The following MICU3 variants were observed in gnomAD, a reference collection of about 807,000 sequenced individuals.
MICU3 encodes the protein mitochondrial calcium uptake 3, also known as calcium uptake protein 3, mitochondrial.
A neutral mutation model predicts 66.5 loss-of-function variants in MICU3; 62 were observed. The observed-to-expected ratio is 0.93, with a 90% CI of 0.76 to 1.15. The LOEUF is 1.15. Ranked by LOEUF, MICU3 falls within the 50% of genes most tolerant of loss-of-function variation. The pLI is 0.00. For missense variants in MICU3, 779 were observed against 664.4 expected (o/e 1.17, Z -1.90); for synonymous variants, 308 against 240.7 (o/e 1.28, Z -2.59).
At chr8:17,093,781 T>C (rs1017706250) in intron 8 of MICU3, among the ~76,000 whole-genome samples, 1 of 151,984 alleles carries the variant, frequency 6.6e-6, no homozygotes, top group East Asian at 1.9e-4. Flanking sequence ...ATGAATATAC[T>C]ACCTACCTCT....
chr8:17,072,780 G>A (rs1427536655), intron 3 of MICU3, among the ~76,000 whole-genome samples: 7 of 152,124 alleles, frequency 4.6e-5, no homozygotes, highest in African/African-American at 7.2e-5. Flanking sequence ...CCAATGATAC[G>A]ATACTATTTG....
chr8:17,107,535 A>T (rs536069013), intron 11 of MICU3, among the ~76,000 whole-genome samples: 374 of 152,310 alleles, frequency 2.5e-3, no homozygotes, highest in African/African-American at 8.6e-3. Context: ...TGTAAGAGTG[A>T]TGGGAAGCCA....
At position 17,034,823 on chromosome 8, in the gene MICU3, A is replaced by T. The variant is rs1342339799; in HGVS notation, c.381+7163A>T. On this transcript the variant is annotated intron_variant, in intron 1 of 14. Coordinates refer to ENST00000318063, the MANE Select transcript of MICU3 (RefSeq NM_181723.3). ...AAATGGTTTCTTGAGATGTAGTCTA[A>T]TCCTGGTGAAGATGCTGTGAACATT... Among the ~76,000 whole-genome samples, 5 of 152,254 alleles carry T rather than the reference A, an allele frequency of 3.3e-5. No homozygotes were observed. In the East Asian group the frequency reaches 9.6e-4, roughly 29 times the overall value.
intron 4 of MICU3, among the ~76,000 whole-genome samples, chr8:17,079,341 C>G (rs1820839543): frequency 6.6e-6 from 1 of 152,022 alleles, no homozygotes; most frequent in African/African-American, 2.4e-5. Flanking sequence ...TAGCTACACC[C>G]TGTAGTACAA....
intron 8 of MICU3, among the ~76,000 whole-genome samples, chr8:17,093,073 C>T (rs1800249589): frequency 6.6e-6 from 1 of 152,022 alleles, no homozygotes; most frequent in Non-Finnish European, 1.5e-5. Flanking sequence ...ACGTTATTTC[C>T]TGCTACAGTG....
Position 17,077,855 on chromosome 8 carries a change from GA to G in MICU3, c.645del (p.Gly216ValfsTer2), listed in dbSNP as rs752763691. On this transcript the variant is annotated frameshift_variant, in exon 4 of 15. Coordinates refer to ENST00000318063, the MANE Select transcript of MICU3 (RefSeq NM_181723.3). LOFTEE classifies it high-confidence loss of function. ...ATCGAAGCTATTTCGAAATCTTAAA[GA>G]AAAAGGTGAGTTAACCTTAGTACTT... ...GSSKLFRNLKEKGVISYTEYL... is the reference protein window; with the variant it reads ...GSSKLFRNLKXKGVISYTEYL... The G allele has an allele frequency of 3.7e-6, 6 of 1,605,574 alleles. No homozygotes were observed. The highest frequency in any genetic ancestry group is 3.3e-5 in the South Asian group (3 of 90,574).
intron 1 of MICU3, among the ~76,000 whole-genome samples, chr8:17,029,474 C>G (rs1159434544): frequency 6.6e-6 from 1 of 151,004 alleles, no homozygotes; most frequent in Non-Finnish European, 1.5e-5. Context: ...GAAACTCCAT[C>G]TCAAAAAAAA....
chr8:17,081,124 AT>A (rs1821118187), intron 4 of MICU3, among the ~76,000 whole-genome samples: 1 of 152,140 alleles, frequency 6.6e-6, no homozygotes, highest in Admixed American at 6.6e-5. Flanking sequence ...AGTATAAGCC[AT>A]TTAATTACAA....
rs1432674372 is a variant in MICU3, at chr8:17,105,463, A to C, written c.1136A>C (p.Tyr379Ser). 2.5e-6 allele frequency: 4 copies of C among 1,574,154 alleles called. No homozygotes were observed. In the African/African-American group the frequency reaches 4.1e-5, roughly 16 times the overall value. ...GTTCTAGAAATAGAATTCCTTTCCT[A>C]CTCAAATGGAATGAATACCATCAGT... ...TEVLEIEFLSYSNGMNTISEE... is the reference protein window; with the variant it reads ...TEVLEIEFLSSSNGMNTISEE... The change falls in exon 11 of 15, where the codon TAC becomes TCC. Residue 379 changes from tyrosine (Y) to serine (S), a missense_variant. Physicochemically the swap from Tyr to Ser is moderately radical, Grantham distance 144 (BLOSUM62 -2). Transcript: ENST00000318063.
rs368515926 is a variant in MICU3, at chr8:17,114,183, A to G, written c.1348A>G (p.Ser450Gly). 3.7e-6 allele frequency: 6 copies of G among 1,607,612 alleles called. No homozygotes were observed. The highest frequency in any genetic ancestry group is 5.1e-6 in the Non-Finnish European group (6 of 1,175,682). ...AIALNMYNFASRSIGQDEFKR... is the reference protein window; with the variant it reads ...AIALNMYNFAGRSIGQDEFKR... ...AGCCCTGAATATGTATAACTTTGCA[A>G]GTCGTTCTATAGGGCAAGGTAAGTA... The change falls in exon 12 of 15, where the codon AGT becomes GGT. Residue 450 changes from serine to glycine, a missense_variant. By Grantham distance (56) the Ser-to-Gly change is moderately conservative. Transcript: ENST00000318063.
At chr8:17,069,460 G>A (rs1472169786) in intron 2 of MICU3, among the ~76,000 whole-genome samples, 2 of 152,108 alleles carry the variant, frequency 1.3e-5, no homozygotes, top group Middle Eastern at 3.4e-3. Flanking sequence ...GTGGAGAAAT[G>A]TTTCCTGTAT....
chr8:17,082,323 C>T (rs1294023703), intron 5 of MICU3, among the ~76,000 whole-genome samples: 1 of 152,130 alleles, frequency 6.6e-6, no homozygotes, highest in African/African-American at 2.4e-5. Context: ...CCTTCTGCTT[C>T]CTGTGCCATC....
At chr8:17,094,325 A>T (rs1800432580) in intron 8 of MICU3, among the ~76,000 whole-genome samples, 1 of 152,038 alleles carries the variant, frequency 6.6e-6, no homozygotes, top group Non-Finnish European at 1.5e-5. Context: ...TCCAAAAGAT[A>T]TTTTGTTTAC....
intron 1 of MICU3, among the ~76,000 whole-genome samples, chr8:17,062,457 C>G: frequency 6.6e-6 from 1 of 152,024 alleles, no homozygotes; most frequent in East Asian, 1.9e-4. Flanking sequence ...TATTTGACTA[C>G]TCCTGTAATG....
At chr8:17,029,284 T>G (rs1366614448) in intron 1 of MICU3, among the ~76,000 whole-genome samples, 1 of 152,210 alleles carries the variant, frequency 6.6e-6, no homozygotes, top group Non-Finnish European at 1.5e-5. Context: ...GAGACAAGCC[T>G]GGCCAACATG....
chr8:17,083,003 C>G (rs1289670543), intron 5 of MICU3, among the ~76,000 whole-genome samples: 1 of 152,098 alleles, frequency 6.6e-6, no homozygotes, highest in Non-Finnish European at 1.5e-5. Context: ...GTAATTTACA[C>G]AGAGCTGGCT....
intron 2 of MICU3, among the ~76,000 whole-genome samples, chr8:17,067,012 T>C (rs1438524688): frequency 6.6e-6 from 1 of 152,158 alleles, no homozygotes; most frequent in Non-Finnish European, 1.5e-5. Flanking sequence ...AAAAAACTGG[T>C]TTCTATTATA....
At chr8:17,104,766 C>T in intron 10 of MICU3, among the ~76,000 whole-genome samples, 1 of 35,506 alleles carries the variant, frequency 2.8e-5, no homozygotes, top group Non-Finnish European at 4.5e-5. Context: ...GAGGCCGAGG[C>T]GGGCGGATCA....
At chr8:17,081,258 G>A (rs1211472766) in intron 4 of MICU3, among the ~76,000 whole-genome samples, 1 of 152,108 alleles carries the variant, frequency 6.6e-6, no homozygotes, top group African/African-American at 2.4e-5. Flanking sequence ...CAGGGTCTAA[G>A]TGTTTTATCC....
Sources: gnomAD v4.1 joint callset for allele counts (sites outside exome capture counted in the v4.1 genomes callset) on GRCh38, gnomAD v4.1.1 for gene constraint, MANE v1.5 for transcripts, NCBI Gene and HGNC (gene_info 2026-07-23, HGNC 2026-07-21) for gene names.